The following STAG1 variants were observed in gnomAD, a reference collection of about 807,000 sequenced individuals.
STAG1 encodes STAG1 cohesin complex component.
STAG1 carries 26 observed loss-of-function variants against 170.9 expected under a neutral mutation model. That is an observed-to-expected ratio of 0.15 (90% confidence interval 0.11 to 0.21). STAG1 has a LOEUF of 0.21. STAG1 is among the 10% of genes least tolerant of loss of function. The pLI is 1.00. For synonymous variants in STAG1, 514 were observed against 497.7 expected (o/e 1.03, Z -0.44); for missense variants, 964 against 1,509.5 (o/e 0.64, Z 5.99).
Position 136,697,616 on chromosome 3 carries a change from A to C in STAG1, c.-84+54579T>G, listed in dbSNP as rs114241196. Among the ~76,000 whole-genome samples the C allele has an allele frequency of 3.5e-3, 540 of 152,308 alleles. 4 individuals carry two copies. The highest frequency in any genetic ancestry group is 4.6e-3 in the Non-Finnish European group (313 of 68,024). On this transcript the variant is annotated intron_variant, in intron 1 of 33. Transcript: ENST00000383202. ...TTTTTAACAATTCCAATTATTTCTA[A>C]TGTCAATAGCCTAAAGTAGAAAATA...
chr3:136,749,385 A>G (rs1336959713), intron 1 of STAG1, among the ~76,000 whole-genome samples: 2 of 152,324 alleles, frequency 1.3e-5, no homozygotes, highest in South Asian at 2.1e-4. Context: ...GCCAACAGCT[A>G]ACAAGAAGAT....
intron 4 of STAG1, among the ~76,000 whole-genome samples, chr3:136,570,860 T>C (rs373628228): frequency 1.3e-5 from 2 of 152,170 alleles, no homozygotes; most frequent in East Asian, 1.9e-4. Flanking sequence ...ATCACATTAG[T>C]GTCTGGGGGG....
chr3:136,640,612 G>GCC (rs1439380980), intron 1 of STAG1, among the ~76,000 whole-genome samples: 1 of 150,174 alleles, frequency 6.7e-6, no homozygotes, highest in African/African-American at 2.4e-5. Flanking sequence ...CAGGTGAACC[G>GCC]CCCGCCTCAG....
chr3:136,591,217 C>CAA (rs574644995), intron 4 of STAG1, among the ~76,000 whole-genome samples: 72 of 57,828 alleles, frequency 1.2e-3, no homozygotes, highest in Middle Eastern at 7.5e-3. Context: ...AGTCTTTTTT[C>CAA]AAAAAAAAAA....
At chr3:136,594,271 G>A (rs954145364) in intron 4 of STAG1, among the ~76,000 whole-genome samples, 2 of 152,080 alleles carry the variant, frequency 1.3e-5, no homozygotes, top group Admixed American at 6.5e-5. Flanking sequence ...TTGATGATAC[G>A]AAGCGATTTG....
At chr3:136,338,484 T>C in intron 32 of STAG1, 34 bp from the exon 33 acceptor site, 1 of 1,501,186 alleles carries the variant, frequency 6.7e-7, no homozygotes, top group South Asian at 1.1e-5. Flanking sequence ...AATTTTTTTC[T>C]GAGATCATTA....
chr3:136,508,887 CGAGAGAGA>C (rs111390217), intron 7 of STAG1, among the ~76,000 whole-genome samples: 11 of 149,376 alleles, frequency 7.4e-5, no homozygotes, highest in African/African-American at 2.2e-4. Flanking sequence ...CGCGCGTGCG[CGAGAGAGA>C]GAGAGAGAGA....
At chr3:136,638,175 G>A (rs1014480522) in intron 1 of STAG1, among the ~76,000 whole-genome samples, 26 of 149,916 alleles carry the variant, frequency 1.7e-4, no homozygotes, top group Non-Finnish European at 5.9e-5. Flanking sequence ...TGCCCAAGCT[G>A]GAGTGCAATG....
chr3:136,388,431 C>T (rs899554115), intron 22 of STAG1, among the ~76,000 whole-genome samples: 9 of 152,060 alleles, frequency 5.9e-5, no homozygotes, highest in African/African-American at 9.7e-5. Context: ...TGCAGTGGTG[C>T]GATCTTGGCT....
chr3:136,695,230 A>G (rs771413113), intron 1 of STAG1, among the ~76,000 whole-genome samples: 3 of 152,130 alleles, frequency 2.0e-5, no homozygotes, highest in Non-Finnish European at 4.4e-5. Flanking sequence ...GTGATAGCAC[A>G]CCATAATGTT....
rs150257882 is a variant in STAG1, at chr3:136,369,100, A to G, written c.2545+8T>C. On this transcript the variant is annotated splice_region_variant and intron_variant, in intron 24 of 33. Coordinates refer to ENST00000383202, the MANE Select transcript of STAG1 (RefSeq NM_005862.3). ...AATCAATATTGACAAGATGATAGCT[A>G]CAAGTACCCATGCTCTGGTTCTCCT... 9.5e-5 allele frequency: 143 copies of G among 1,498,810 alleles called. No homozygotes were observed. In the African/African-American group the frequency reaches 2.0e-3, roughly 21 times the overall value. The allele number at this position is 1,498,810 out of a possible 1,614,324, so 92.8% of individuals were successfully genotyped here.
rs1362041873 is a variant in STAG1, at chr3:136,349,270, G to A, written c.3159C>T (p.Val1053=). The A allele has an allele frequency of 8.1e-6, 13 of 1,613,706 alleles. No individual in the cohort carries two copies. The highest frequency in any genetic ancestry group is 1.1e-5 in the Non-Finnish European group (13 of 1,179,800). Reference sequence around the variant, plus strand: ...ACATTCTATCATCTTCACCCCCAGTGACTAATGAATTTCTATAGGAGATGA... The same window carrying A: ...ACATTCTATCATCTTCACCCCCAGTAACTAATGAATTTCTATAGGAGATGA... ...LPLISYRNSL[V]TGGEDDRMSV... The change falls in exon 29 of 34, where the codon GTC becomes GTT. Residue 1053 remains valine (V), a synonymous_variant. Coordinates refer to ENST00000383202, the MANE Select transcript of STAG1 (RefSeq NM_005862.3).
rs1940031797 is a variant in STAG1, at chr3:136,624,948, T to G, written c.30-1700A>C. ...GAAGTGATGAATTTTGAGTATTTACTATTTTTATTTTTCATATGACATTTA... is the reference window on the plus strand; with the variant it reads ...GAAGTGATGAATTTTGAGTATTTACGATTTTTATTTTTCATATGACATTTA... On this transcript the variant is annotated intron_variant, in intron 2 of 33. Coordinates refer to ENST00000383202, the MANE Select transcript of STAG1 (RefSeq NM_005862.3). Among the ~76,000 whole-genome samples the G allele has an allele frequency of 2.0e-5, 3 of 152,360 alleles. No individual in the cohort carries two copies. In the East Asian group the frequency reaches 5.8e-4, roughly 29 times the overall value.
chr3:136,458,307 C>A (rs1195939826), intron 13 of STAG1, among the ~76,000 whole-genome samples: 1 of 152,138 alleles, frequency 6.6e-6, no homozygotes, highest in Non-Finnish European at 1.5e-5. Context: ...CAGGCACCTG[C>A]CATCACGCCT....
At chr3:136,538,425 T>C (rs569525495) in intron 6 of STAG1, among the ~76,000 whole-genome samples, 1 of 151,288 alleles carries the variant, frequency 6.6e-6, no homozygotes, top group African/African-American at 2.4e-5. Context: ...TTTTTTTTTT[T>C]TTCTTTTTTG....
At chr3:136,658,434 T>A (rs1941466599) in intron 1 of STAG1, among the ~76,000 whole-genome samples, 2 of 152,166 alleles carry the variant, frequency 1.3e-5, no homozygotes, top group Non-Finnish European at 2.9e-5. Flanking sequence ...TTGGTAGATA[T>A]TGATTTGTAT....
At chr3:136,521,975 G>A (rs1032734967) in intron 6 of STAG1, among the ~76,000 whole-genome samples, 8 of 152,144 alleles carry the variant, frequency 5.3e-5, no homozygotes, top group African/African-American at 1.9e-4. Context: ...ACACTGGACT[G>A]ATTAAGTTTT....
intron 12 of STAG1, among the ~76,000 whole-genome samples, chr3:136,466,539 A>C (rs1234380575): frequency 1.3e-5 from 2 of 152,230 alleles, no homozygotes; most frequent in Non-Finnish European, 2.9e-5. Context: ...GGTGTACCTG[A>C]AAGTGACAGG....
intron 12 of STAG1, among the ~76,000 whole-genome samples, chr3:136,468,040 C>T (rs2089518464): frequency 6.6e-6 from 1 of 152,072 alleles, no homozygotes; most frequent in Non-Finnish European, 1.5e-5. Flanking sequence ...ACTAAATGCC[C>T]ACAAGAGAAA....
Sources: gnomAD v4.1 joint callset for allele counts (sites outside exome capture counted in the v4.1 genomes callset) on GRCh38, gnomAD v4.1.1 for gene constraint, MANE v1.5 for transcripts, NCBI Gene and HGNC (gene_info 2026-07-23, HGNC 2026-07-21) for gene names.